Variants in MUC17 observed in about 807,000 individuals in gnomAD.
The protein encoded by MUC17 is mucin-17.
In MUC17, 190 loss-of-function variants were observed where a neutral mutation model predicts 170.3. The ratio of observed to expected loss-of-function variants is 1.12; its 90% CI spans 0.99 to 1.26. The LOEUF is 1.26. Ranked by LOEUF, MUC17 falls within the 50% of genes most tolerant of loss-of-function variation. The pLI is 0.00. For missense variants in MUC17, 6,415 were observed against 5,530.0 expected (o/e 1.16, Z -5.08); for synonymous variants, 2,325 against 2,002.5 (o/e 1.16, Z -4.30).
chr7:101,039,997 A>T lies in MUC17; in HGVS notation c.8581A>T (p.Ile2861Phe), dbSNP rs766757897. Reference sequence around the variant, plus strand: ...AACTGCTGAAGGTATCGTCGTGCCAATCTCAACTGCTAGTGAAGGAAGTAC... The same window carrying T: ...AACTGCTGAAGGTATCGTCGTGCCATTCTCAACTGCTAGTGAAGGAAGTAC... ...PTTAEGIVVP[I>F]STASEGSTLL... Residue 2861 changes from isoleucine (I) to phenylalanine (F), a missense_variant, in exon 3 of 13, where the codon ATC becomes TTC. Coordinates refer to ENST00000306151, the MANE Select transcript of MUC17 (RefSeq NM_001040105.2). 6.2e-7 allele frequency: 1 copy of T among 1,612,704 alleles called. No individual in the cohort carries two copies. Among genetic ancestry groups the T allele is most frequent in the Non-Finnish European group, 8.5e-7 (1 of 1,179,716 alleles).
At chr7:101,057,944 T>C in intron 12 of MUC17, 59 bp from the exon 13 acceptor site, 1 of 1,504,028 alleles carries the variant, frequency 6.6e-7, no homozygotes, top group Middle Eastern at 1.7e-4. Context: ...TCCTTATGCT[T>C]CCAGAATCCC....
intron 3 of MUC17, 83 bp from the exon 4 acceptor site, chr7:101,047,901 T>A: frequency 6.9e-7 from 1 of 1,439,876 alleles, no homozygotes; most frequent in Non-Finnish European, 9.2e-7. Flanking sequence ...GCTCAACATG[T>A]AACCACAGTA....
chr7:101,046,807 C>T lies in MUC17; in HGVS notation c.12404-1177C>T, dbSNP rs1794850444. Among the ~76,000 whole-genome samples, 5 of 151,934 alleles carry T rather than the reference C, an allele frequency of 3.3e-5. No homozygotes were observed. In the South Asian group the frequency reaches 1.0e-3, roughly 32 times the overall value. On this transcript the variant is annotated intron_variant, in intron 3 of 12. Transcript: ENST00000306151. ...AATAATAATAATAAAATGCCCGGCACAGTGGCTCACACCTGTAATCCCAGC... is the reference window on the plus strand; with the variant it reads ...AATAATAATAATAAAATGCCCGGCATAGTGGCTCACACCTGTAATCCCAGC...
At chr7:101,044,805 CAGA>C (rs1434196764) in intron 3 of MUC17, among the ~76,000 whole-genome samples, 2 of 151,590 alleles carry the variant, frequency 1.3e-5, no homozygotes, top group East Asian at 1.9e-4. Flanking sequence ...TTTTTTTTTG[CAGA>C]AGGTTTTTGC....
In MUC17 at chr7:101,032,922, A is replaced by G; in HGVS notation, c.1506A>G (p.Pro502=). ...CAACTGCTGAAGTTAACAGCATGCC[A>G]ACCTCAACTCCTAGTGAAGGAAGCA... ...SPPTAEVNSM[P]TSTPSEGSTP... The change falls in exon 3 of 13, where the codon CCA becomes CCG. Residue 502 remains proline, a synonymous_variant. Transcript: ENST00000306151. 1.2e-6 allele frequency: 2 copies of G among 1,613,980 alleles called. No individual in the cohort carries two copies. The highest frequency in any genetic ancestry group is 1.3e-5 in the African/African-American group (1 of 74,980).
At position 101,055,290 on chromosome 7, in the gene MUC17, G is replaced by A. The variant is rs537245493; in HGVS notation, c.13364-904G>A. Among the ~76,000 whole-genome samples, 6 of 151,850 alleles carry A rather than the reference G, an allele frequency of 4.0e-5. No individual in the cohort carries two copies. The South Asian group carries it at 8.3e-4, about 21-fold the overall frequency. On this transcript the variant is annotated intron_variant, in intron 11 of 12. Transcript: ENST00000306151. ...ATCTAGGTATCCACTGTCGGTGGGA[G>A]GTACATGTTAAATAGAAACACAAAG...
At position 101,045,401 on chromosome 7, in the gene MUC17, C is replaced by CT. The variant is rs373569733; in HGVS notation, c.12403+1593dup. On this transcript the variant is annotated intron_variant, in intron 3 of 12. Transcript: ENST00000306151. ...TTTTCTTTTCTTTTCTTTTCTTTTTCTTTTTTTTTTTGATGGAGTTTCACT... is the reference window on the plus strand; with the variant it reads ...TTTTCTTTTCTTTTCTTTTCTTTTTCTTTTTTTTTTTTGATGGAGTTTCACT... Among the ~76,000 whole-genome samples, 1,256 of 144,684 alleles carry CT rather than the reference C, an allele frequency of 8.7e-3. 14 individuals carry two copies. Among genetic ancestry groups the CT allele is most frequent in the African/African-American group, 0.023 (906 of 39,574 alleles). 94.9% of individuals were successfully genotyped at this position (144,684 alleles called of 152,430 possible).
At position 101,039,193 on chromosome 7, in the gene MUC17, A is replaced by G. The variant is rs566059725; in HGVS notation, c.7777A>G (p.Thr2593Ala). Residue 2593 changes from threonine to alanine, a missense_variant, in exon 3 of 13, where the codon ACT (threonine) becomes GCT (alanine). Thr to Ala is a moderately conservative substitution (Grantham distance 58). Transcript: ENST00000306151. ...TKPLASSEAS[T>A]LSTTPVDTSI... The stretch of plus-strand genomic sequence containing the variant: ...GCCGTTGGCCAGTTCTGAGGCTAGC[A>G]CTCTTTCAACAACTCCTGTTGACAC... 6.2e-7 allele frequency: 1 copy of G among 1,613,416 alleles called. No individual in the cohort carries two copies. The highest frequency in any genetic ancestry group is 2.2e-5 in the East Asian group (1 of 44,856).
At position 101,042,563 on chromosome 7, in the gene MUC17, C is replaced by T; in HGVS notation, c.11147C>T (p.Thr3716Ile). ...AGCTCTGAGGGTAGCACCCTTTCAACACCTTCTGTTGTCACCAGCACACCT... is the reference window on the plus strand; with the variant it reads ...AGCTCTGAGGGTAGCACCCTTTCAATACCTTCTGTTGTCACCAGCACACCT... Reference protein sequence around the residue: ...VTSSEGSTLSTPSVVTSTPVT... With the variant: ...VTSSEGSTLSIPSVVTSTPVT... Residue 3716 changes from threonine to isoleucine, a missense_variant, in exon 3 of 13, where the codon ACA (threonine) becomes ATA (isoleucine). By Grantham distance (89) the Thr-to-Ile change is moderately conservative. Coordinates refer to ENST00000306151, the MANE Select transcript of MUC17 (RefSeq NM_001040105.2). The T allele has an allele frequency of 1.2e-6, 2 of 1,614,162 alleles. No homozygotes were observed. The highest frequency in any genetic ancestry group is 1.7e-6 in the Non-Finnish European group (2 of 1,180,030).
chr7:101,049,507 T>C, intron 6 of MUC17, 125 bp downstream of exon 6: 1 of 1,308,632 alleles, frequency 7.6e-7, no homozygotes, highest in Non-Finnish European at 1.0e-6. Flanking sequence ...ATACCACCGA[T>C]GGGGCGGCTT....
intron 3 of MUC17, among the ~76,000 whole-genome samples, chr7:101,047,077 T>C (rs1393862492): frequency 7.7e-6 from 1 of 129,450 alleles, no homozygotes; most frequent in Non-Finnish European, 1.6e-5. Context: ...CAAGACTCCG[T>C]CTCAAAAAAA....
rs192344278 is a variant in MUC17 at position 101,035,426 on chromosome 7, C to G, written c.4010C>G (p.Thr1337Ser). 1.2e-6 allele frequency: 2 copies of G among 1,603,546 alleles called. No individual in the cohort carries two copies. Among genetic ancestry groups the G allele is most frequent in the African/African-American group, 2.7e-5 (2 of 74,266 alleles). The change falls in exon 3 of 13, where the codon ACT becomes AGT. Residue 1337 changes from threonine (T) to serine (S), a missense_variant. Thr to Ser is a moderately conservative substitution (Grantham distance 58). Coordinates refer to ENST00000306151, the MANE Select transcript of MUC17 (RefSeq NM_001040105.2). Reference sequence around the variant, plus strand: ...ACCTCAACTTATAGTGAAGGAAGAACTCCTTTAACAAGTATACCTGTCAAC... The same window carrying G: ...ACCTCAACTTATAGTGAAGGAAGAAGTCCTTTAACAAGTATACCTGTCAAC... ...MPTSTYSEGR[T>S]PLTSIPVNTT...
chr7:101,026,431 C>A (rs1241081625), intron 1 of MUC17, among the ~76,000 whole-genome samples: 2 of 152,176 alleles, frequency 1.3e-5, no homozygotes, highest in Non-Finnish European at 2.9e-5. Flanking sequence ...AGGTAGCCAA[C>A]CCCAGCCACT....
Position 101,033,299 on chromosome 7 carries a change from G to A in MUC17, c.1883G>A (p.Gly628Asp), listed in dbSNP as rs1215974831. The A allele has an allele frequency of 5.0e-6, 8 of 1,613,520 alleles. No individual in the cohort carries two copies. The highest frequency in any genetic ancestry group is 5.9e-6 in the Non-Finnish European group (7 of 1,179,784). Residue 628 changes from glycine to aspartate, a missense_variant, in exon 3 of 13, where the codon GGC becomes GAC. Coordinates refer to ENST00000306151, the MANE Select transcript of MUC17 (RefSeq NM_001040105.2). The stretch of plus-strand genomic sequence containing the variant: ...CCAACCTCAACTTACAGTGAAAGAG[G>A]CACTACAATAACAAGTATGTCTGTC... ...SMPTSTYSER[G>D]TTITSMSVST...
At chr7:101,055,387 C>T (rs535375424) in intron 11 of MUC17, among the ~76,000 whole-genome samples, 3 of 151,748 alleles carry the variant, frequency 2.0e-5, no homozygotes, top group Non-Finnish European at 4.4e-5. Flanking sequence ...TTGTGTATAG[C>T]TGTACTCATT....
chr7:101,031,677 C>T lies in MUC17; in HGVS notation c.261C>T (p.Thr87=). 1 of 1,593,670 alleles carries T rather than the reference C, an allele frequency of 6.3e-7. No individual in the cohort carries two copies. Reference sequence around the variant, plus strand: ...CAAGAATGTATTTGAGTTGCAGCACCAACCCTGAGATGACCTCGATTGAGT... The same window carrying T: ...CAAGAATGTATTTGAGTTGCAGCACTAACCCTGAGATGACCTCGATTGAGT... ...VEPRMYLSCS[T]NPEMTSIESS... The change falls in exon 3 of 13, where the codon ACC becomes ACT. Residue 87 remains threonine, a synonymous_variant. Coordinates refer to ENST00000306151, the MANE Select transcript of MUC17 (RefSeq NM_001040105.2).
In MUC17 at chr7:101,048,891, G is replaced by T; in HGVS notation, c.12582G>T (p.Val4194=). Residue 4194 remains valine (V), a synonymous_variant, in exon 5 of 13, where the codon GTG becomes GTT. Transcript: ENST00000306151. Reference sequence around the variant, plus strand: ...CCCAAATGGAACTGACTGTGACAGTGACCAGTGTGAAGTTCACCGAAGAGC... The same window carrying T: ...CCCAAATGGAACTGACTGTGACAGTTACCAGTGTGAAGTTCACCGAAGAGC... The part of the protein sequence containing the change: ...ISAQMELTVT[V]TSVKFTEELK... The T allele has an allele frequency of 6.2e-7, 1 of 1,614,080 alleles. No homozygotes were observed. The highest frequency in any genetic ancestry group is 1.1e-5 in the South Asian group (1 of 91,050).
chr7:101,055,000 T>C (rs1424051418), intron 11 of MUC17, among the ~76,000 whole-genome samples: 1 of 151,600 alleles, frequency 6.6e-6, no homozygotes, highest in Non-Finnish European at 1.5e-5. Context: ...CCCAACCACC[T>C]GGGAGGCTGA....
In MUC17 at chr7:101,037,550, C is replaced by T. The variant is rs769914931; in HGVS notation, c.6134C>T (p.Pro2045Leu). The T allele has an allele frequency of 1.9e-6, 3 of 1,613,956 alleles. No homozygotes were observed. Among genetic ancestry groups the T allele is most frequent in the South Asian group, 1.1e-5 (1 of 91,060 alleles). Reference sequence around the variant, plus strand: ...TCAACTCCTAGTGAACGGACCACTCCATTAGCAGGTATGCCTGTCAGCACT... The same window carrying T: ...TCAACTCCTAGTGAACGGACCACTCTATTAGCAGGTATGCCTGTCAGCACT... Reference protein sequence around the residue: ...QTSTPSERTTPLAGMPVSTTL... With the variant: ...QTSTPSERTTLLAGMPVSTTL... Residue 2045 changes from proline to leucine, a missense_variant, in exon 3 of 13, where the codon CCA (proline) becomes CTA (leucine). Pro to Leu is a moderately conservative substitution (Grantham distance 98). Coordinates refer to ENST00000306151, the MANE Select transcript of MUC17 (RefSeq NM_001040105.2).
Sources: allele counts gnomAD v4.1 joint callset (sites outside exome capture counted in the v4.1 genomes callset), GRCh38; gene constraint gnomAD v4.1.1; transcripts MANE v1.5; gene names NCBI Gene and HGNC (gene_info 2026-07-23, HGNC 2026-07-21).